The following SCHIP1 variants were observed in gnomAD, a reference collection of about 807,000 sequenced individuals.
The protein encoded by SCHIP1 is schwannomin interacting protein 1.
SCHIP1 carries 8 observed loss-of-function variants against 29.7 expected under a neutral mutation model. The ratio of observed to expected loss-of-function variants is 0.27; its 90% CI spans 0.16 to 0.49. The LOEUF (loss-of-function observed/expected upper bound fraction) is 0.49. Among genes scored for constraint, SCHIP1 ranks in the 20% least tolerant of loss-of-function variants. SCHIP1 has a pLI of 0.99. For missense variants in SCHIP1, 193 were observed against 294.6 expected, an observed-to-expected ratio of 0.66 and a Z score of 2.52; for synonymous variants, 76 against 94.9, an observed-to-expected ratio of 0.80 and a Z score of 1.16.
the SCHIP1 span, among the ~76,000 whole-genome samples, chr3:159,550,112 T>TAATTATCTTAAGATATCTTAAGAA: frequency 2.9e-4 from 43 of 148,582 alleles, no homozygotes; most frequent in African/African-American, 1.0e-3. Context: ...TTAAGAAAAT[T>TAATTATCTTAAGATATCTTAAGAA]AATTATCTTA....
At chr3:159,395,443 T>C in the SCHIP1 span, among the ~76,000 whole-genome samples, 3 of 152,228 alleles carry the variant, frequency 2.0e-5, no homozygotes, top group Admixed American at 6.5e-5. Context: ...TCCTGCTTTC[T>C]CTTTTGGGCA....
chr3:159,523,628 T>A, the SCHIP1 span, among the ~76,000 whole-genome samples: 1 of 152,136 alleles, frequency 6.6e-6, no homozygotes, highest in Admixed American at 6.5e-5. Flanking sequence ...ACAGTGTGAT[T>A]ACTCGTTCAT....
At chr3:159,322,120 A>G in the SCHIP1 span, among the ~76,000 whole-genome samples, 1 of 151,962 alleles carries the variant, frequency 6.6e-6, no homozygotes. Context: ...TTAGAGAACT[A>G]GATTTGACTG....
chr3:159,711,942 T>TTGCTGCTGCTGCTGCTGC, the SCHIP1 span, among the ~76,000 whole-genome samples: 2 of 151,298 alleles, frequency 1.3e-5, no homozygotes, highest in Admixed American at 6.6e-5. Context: ...TAGGAAGATA[T>TTGCTGCTGCTGCTGCTGC]TGCTGCTGCT....
chr3:159,338,073 T>C, the SCHIP1 span, among the ~76,000 whole-genome samples: 1 of 152,174 alleles, frequency 6.6e-6, no homozygotes, highest in Non-Finnish European at 1.5e-5. Flanking sequence ...ATTTGCTGAG[T>C]TCCCTTTGTG....
chr3:159,513,357 T>A, the SCHIP1 span, among the ~76,000 whole-genome samples: 2 of 152,252 alleles, frequency 1.3e-5, no homozygotes, highest in Non-Finnish European at 2.9e-5. Flanking sequence ...TTGTTACTTT[T>A]GTTTAAGAAC....
the SCHIP1 span, among the ~76,000 whole-genome samples, chr3:159,430,460 G>C: frequency 8.5e-5 from 13 of 152,114 alleles, no homozygotes; most frequent in African/African-American, 1.9e-4. Context: ...GCTACGTTCT[G>C]CTCTGGTTCT....
chr3:159,396,212 G>A, the SCHIP1 span, among the ~76,000 whole-genome samples: 4 of 151,160 alleles, frequency 2.6e-5, no homozygotes, highest in Non-Finnish European at 5.9e-5. Flanking sequence ...GCCTATGTGT[G>A]TCTCTGCACT....
At chr3:159,763,137 G>GC in the SCHIP1 span, among the ~76,000 whole-genome samples, 1 of 152,198 alleles carries the variant, frequency 6.6e-6, no homozygotes, top group Non-Finnish European at 1.5e-5. Context: ...TCCACCCACA[G>GC]CCTGAACTTG....
At chr3:159,810,349 A>T in the SCHIP1 span, among the ~76,000 whole-genome samples, 3 of 152,186 alleles carry the variant, frequency 2.0e-5, no homozygotes, top group Admixed American at 2.0e-4. Context: ...CCGGCCTCAA[A>T]TTCACCTGTT....
At chr3:159,297,126 T>TTGTG in the SCHIP1 span, among the ~76,000 whole-genome samples, 8,273 of 143,238 alleles carry the variant, frequency 0.058, 255 homozygotes, top group Non-Finnish European at 0.077. Flanking sequence ...TAATATTCCA[T>TTGTG]TGTGTGTGTG....
the SCHIP1 span, among the ~76,000 whole-genome samples, chr3:159,814,002 A>G: frequency 6.6e-3 from 1,000 of 152,220 alleles, 18 homozygotes; most frequent in African/African-American, 0.023. Context: ...GTTGTCAGGC[A>G]GCCCAGATCT....
the SCHIP1 span, among the ~76,000 whole-genome samples, chr3:159,712,237 C>T: frequency 1.3e-5 from 2 of 152,166 alleles, no homozygotes; most frequent in Admixed American, 6.5e-5. Context: ...TTAGAAATGT[C>T]CCTTTCAGCT....
chr3:159,612,028 T>C, the SCHIP1 span, among the ~76,000 whole-genome samples: 1 of 152,182 alleles, frequency 6.6e-6, no homozygotes, highest in Non-Finnish European at 1.5e-5. Context: ...TTAATATTGC[T>C]GTTAAAATCA....
the SCHIP1 span, among the ~76,000 whole-genome samples, chr3:159,694,361 A>C: frequency 0.015 from 2,303 of 152,136 alleles, 37 homozygotes; most frequent in Non-Finnish European, 0.025. Context: ...CTCTACCAAA[A>C]ATACAAAAAT....
At chr3:159,731,225 A>G in the SCHIP1 span, among the ~76,000 whole-genome samples, 21 of 152,286 alleles carry the variant, frequency 1.4e-4, no homozygotes, top group Admixed American at 1.3e-3. Context: ...ATGTTACCAC[A>G]AAAGTGATGA....
the SCHIP1 span, among the ~76,000 whole-genome samples, chr3:159,524,517 T>C: frequency 6.6e-6 from 1 of 152,184 alleles, no homozygotes; most frequent in Non-Finnish European, 1.5e-5. Context: ...TGCTTAAACA[T>C]TCAAACCTAT....
the SCHIP1 span, among the ~76,000 whole-genome samples, chr3:159,790,164 C>G: frequency 6.6e-6 from 1 of 152,324 alleles, no homozygotes; most frequent in East Asian, 1.9e-4. Flanking sequence ...GAGTGCTCCT[C>G]TCTGCTCCTC....
chr3:159,385,743 G>A, the SCHIP1 span, among the ~76,000 whole-genome samples: 809 of 152,258 alleles, frequency 5.3e-3, 4 homozygotes, highest in Middle Eastern at 0.01. Flanking sequence ...TGGGATACAT[G>A]TGCAGAACGT....
Sources: gnomAD v4.1 joint callset for allele counts (sites outside exome capture counted in the v4.1 genomes callset) on GRCh38, gnomAD v4.1.1 for gene constraint, MANE v1.5 for transcripts, NCBI Gene and HGNC (gene_info 2026-07-23, HGNC 2026-07-21) for gene names.